CHRM2: variants seen among roughly 807,000 people sequenced by gnomAD.
CHRM2 encodes the protein muscarinic acetylcholine receptor M2.
Under a neutral mutation model 25.0 loss-of-function variants are expected in CHRM2, and 8 were observed. That is an observed-to-expected ratio of 0.32 (90% CI 0.19 to 0.58). CHRM2 has a LOEUF of 0.58. CHRM2 is among the 20% of genes least tolerant of loss of function. The pLI is 0.88. For missense variants in CHRM2, 440 were observed against 567.1 expected (o/e 0.78, Z 2.28); for synonymous variants, 202 against 205.7 (o/e 0.98, Z 0.15).
intron 2 of CHRM2, among the ~76,000 whole-genome samples, chr7:136,879,903 T>A (rs1383623595): frequency 6.6e-6 from 1 of 151,928 alleles, no homozygotes. Flanking sequence ...GATTTTCCTA[T>A]CATTGAAATG....
rs138484819 is a variant in CHRM2 at position 136,943,237 on chromosome 7, C to A, written c.-124-48950C>A. On this transcript the variant is annotated intron_variant, in intron 2 of 3. Coordinates refer to ENST00000680005, the MANE Select transcript of CHRM2 (RefSeq NM_001006630.2). ...GGTTGTCTTAGTAATGTCTCTGGAG[C>A]CGTACTGAATAAATCTATCACCTCC... 1.0e-3 allele frequency among the ~76,000 whole-genome samples: 157 copies of A among 152,230 alleles called. 1 individual carries two copies. The highest frequency in any genetic ancestry group is 3.6e-3 in the African/African-American group (151 of 41,526).
chr7:136,876,999 C>A (rs1051705126), intron 2 of CHRM2, among the ~76,000 whole-genome samples: 1 of 151,944 alleles, frequency 6.6e-6, no homozygotes, highest in Admixed American at 6.6e-5. Context: ...GAATTAGGGA[C>A]AGGAATCTAG....
chr7:136,925,714 C>T (rs532072024), intron 2 of CHRM2, among the ~76,000 whole-genome samples: 12 of 152,280 alleles, frequency 7.9e-5, no homozygotes, highest in African/African-American at 2.9e-4. Flanking sequence ...GGCTTTTTAG[C>T]TAAAACAGCT....
chr7:136,971,618 C>CAAA lies in CHRM2; in HGVS notation c.-124-20552_-124-20550dup, dbSNP rs10708408. The stretch of plus-strand genomic sequence containing the variant: ...GGTGACAGAGTAAGACTCTGTTTCA[C>CAAA]AAAAAAAAAAAAAAAAAAAGACTTG... On this transcript the variant is annotated intron_variant, in intron 2 of 3. Transcript: ENST00000680005. Among the ~76,000 whole-genome samples, 66 of 92,912 alleles carry CAAA rather than the reference C, an allele frequency of 7.1e-4. 1 individual carries two copies. The East Asian group carries it at 0.011, about 15-fold the overall frequency. 61.0% of individuals were successfully genotyped at this position (92,912 alleles called of 152,430 possible). A position where few individuals can be genotyped will look rare whatever the true frequency, so the allele number is the denominator to read the frequency against.
At chr7:136,910,996 T>C (rs1797814473) in intron 2 of CHRM2, among the ~76,000 whole-genome samples, 1 of 151,882 alleles carries the variant, frequency 6.6e-6, no homozygotes, top group Non-Finnish European at 1.5e-5. Context: ...ATGTTTTTTG[T>C]CACTTACAGA....
intron 2 of CHRM2, among the ~76,000 whole-genome samples, chr7:136,979,219 T>A (rs557317538): frequency 4.6e-5 from 7 of 152,332 alleles, no homozygotes; most frequent in African/African-American, 1.7e-4. Flanking sequence ...GAGCTGTTTT[T>A]CATGTTTGTT....
In CHRM2 at chr7:137,012,054, GAATAT is replaced by G. The variant is rs151321693; in HGVS notation, c.-46-2763_-46-2759del. 8.3e-3 allele frequency among the ~76,000 whole-genome samples: 1,257 copies of G among 152,058 alleles called. 13 individuals carry two copies. The highest frequency in any genetic ancestry group is 0.028 in the African/African-American group (1,179 of 41,524). ...ATTATCAAAAATCTTTTAAAAACTA[GAATAT>G]AAGTCCTATGCTTTATCAAAATTAT... On this transcript the variant is annotated intron_variant, in intron 3 of 3. Transcript: ENST00000680005.
intron 3 of CHRM2, among the ~76,000 whole-genome samples, chr7:137,000,189 T>C (rs1191146098): frequency 7.8e-6 from 1 of 128,022 alleles, no homozygotes; most frequent in Non-Finnish European, 1.6e-5. Flanking sequence ...TAATTCTTTT[T>C]CTTTCTTTTT....
intron 2 of CHRM2, chr7:136,938,669 C>G: frequency 3.8e-6 from 3 of 797,742 alleles, no homozygotes; most frequent in South Asian, 1.4e-5. Flanking sequence ...GCAGGAGCGG[C>G]TGCTGAAGGC....
At chr7:136,934,809 A>G (rs1799318133) in intron 2 of CHRM2, among the ~76,000 whole-genome samples, 1 of 151,984 alleles carries the variant, frequency 6.6e-6, no homozygotes, top group Non-Finnish European at 1.5e-5. Flanking sequence ...TTGCTAAACA[A>G]AAGATTAATA....
chr7:136,979,115 G>A, intron 2 of CHRM2, among the ~76,000 whole-genome samples: 1 of 152,122 alleles, frequency 6.6e-6, no homozygotes. Context: ...AGCATCTGTT[G>A]TTTCCCGACT....
At chr7:136,938,915 C>CAAAAAAAAAAAAAAAAAAAAAAA (rs56868385) in intron 2 of CHRM2, among the ~76,000 whole-genome samples, 2 of 66,912 alleles carry the variant, frequency 3.0e-5, no homozygotes, top group Non-Finnish European at 5.7e-5. Context: ...CTAGCTCTGC[C>CAAAAAAAAAAAAAAAAAAAAAAA]AAAAAAAAAA....
chr7:136,868,821 T>TGGAAATCGCAGATTTCACCA lies in CHRM2; in HGVS notation c.-444_-425dup, dbSNP rs578199010. 2.6e-5 allele frequency: 4 copies of TGGAAATCGCAGATTTCACCA among 152,212 alleles called. No homozygotes were observed. The highest frequency in any genetic ancestry group is 4.8e-5 in the African/African-American group (2 of 41,398). The allele number at this position is 152,212 out of a possible 1,614,324, so 9.4% of individuals were successfully genotyped here. On this transcript the variant is annotated 5_prime_UTR_variant, in exon 1 of 4. Coordinates refer to ENST00000680005, the MANE Select transcript of CHRM2 (RefSeq NM_001006630.2). ...TCCAGGCTGCGGGTTGGCCAGAGCC[T>TGGAAATCGCAGATTTCACCA]GGAAATCGCAGATTTCACCAGGAAA...
At chr7:136,947,463 A>G (rs569224438) in intron 2 of CHRM2, among the ~76,000 whole-genome samples, 2 of 152,308 alleles carry the variant, frequency 1.3e-5, no homozygotes, top group East Asian at 1.9e-4. Flanking sequence ...TAATGTAGAC[A>G]TGTAGTAAAG....
chr7:136,952,123 C>T lies in CHRM2; in HGVS notation c.-124-40064C>T, dbSNP rs180844418. ...ACTTCGACAAGGGCAGAAGTAGATTCGAGGGCTTGTGCATACGTGGAGAGA... is the reference window on the plus strand; with the variant it reads ...ACTTCGACAAGGGCAGAAGTAGATTTGAGGGCTTGTGCATACGTGGAGAGA... On this transcript the variant is annotated intron_variant, in intron 2 of 3. Transcript: ENST00000680005. Among the ~76,000 whole-genome samples the T allele has an allele frequency of 3.1e-3, 475 of 152,178 alleles. 4 individuals carry two copies. The highest frequency in any genetic ancestry group is 4.1e-3 in the Non-Finnish European group (278 of 68,012).
chr7:136,888,220 T>A (rs1006622689), intron 2 of CHRM2, among the ~76,000 whole-genome samples: 1 of 152,230 alleles, frequency 6.6e-6, no homozygotes, highest in Non-Finnish European at 1.5e-5. Flanking sequence ...GCTTAGTCCA[T>A]GGACCCCTAT....
intron 2 of CHRM2, among the ~76,000 whole-genome samples, chr7:136,960,331 T>C (rs1800994371): frequency 1.3e-5 from 2 of 152,290 alleles, no homozygotes; most frequent in Middle Eastern, 3.4e-3. Flanking sequence ...TCACATAGTA[T>C]AGATGTGAAA....
intron 2 of CHRM2, among the ~76,000 whole-genome samples, chr7:136,890,402 G>A (rs1796645714): frequency 6.6e-6 from 1 of 152,196 alleles, no homozygotes; most frequent in African/African-American, 2.4e-5. Flanking sequence ...TGAATAGAGA[G>A]GGTTCTGTGA....
At position 136,895,769 on chromosome 7, in the gene CHRM2, A is replaced by AGGAG. The variant is rs537545155; in HGVS notation, c.-125+26351_-125+26352insGGAG. Among the ~76,000 whole-genome samples, 10 of 152,306 alleles carry AGGAG rather than the reference A, an allele frequency of 6.6e-5. No individual in the cohort carries two copies. In the East Asian group the frequency reaches 1.7e-3, roughly 26 times the overall value. The stretch of plus-strand genomic sequence containing the variant: ...TTGTCAGTATAGTTACCATCATAGA[A>AGGAG]AATAAGGATTTGATTTCAGAAAGTT... On this transcript the variant is annotated intron_variant, in intron 2 of 3. Transcript: ENST00000680005.
Sources: gnomAD v4.1 joint callset for allele counts (sites outside exome capture counted in the v4.1 genomes callset) on GRCh38, gnomAD v4.1.1 for gene constraint, MANE v1.5 for transcripts, NCBI Gene and HGNC (gene_info 2026-07-23, HGNC 2026-07-21) for gene names.